DAB1: variants seen among roughly 807,000 people sequenced by gnomAD.
DAB1 encodes the protein DAB adaptor protein 1, also known as disabled homolog 1.
DAB1 carries 15 observed loss-of-function variants against 64.6 expected under a neutral mutation model. The observed-to-expected ratio is 0.23, with a 90% CI of 0.16 to 0.36. The LOEUF is 0.36. Among genes scored for constraint, DAB1 ranks in the 10% least tolerant of loss-of-function variants. DAB1 has a pLI of 1.00. For synonymous variants in DAB1, 235 were observed against 251.9 expected (o/e 0.93, Z 0.64); for missense variants, 596 against 706.7 (o/e 0.84, Z 1.78).
At chr1:57,916,385 C>T (rs555411787) in intron 5 of DAB1, among the ~76,000 whole-genome samples, 18 of 152,274 alleles carry the variant, frequency 1.2e-4, no homozygotes, top group African/African-American at 3.4e-4. Flanking sequence ...CCCAAAACTC[C>T]GATTTCTTCA....
intron 4 of DAB1, among the ~76,000 whole-genome samples, chr1:57,080,098 C>A (rs758319017): frequency 2.0e-5 from 3 of 152,134 alleles, no homozygotes; most frequent in Non-Finnish European, 2.9e-5. Flanking sequence ...ACCATTTGAA[C>A]CATTTTTAAG....
chr1:58,118,485 T>TATATAC (rs1652493341), intron 5 of DAB1, among the ~76,000 whole-genome samples: 1 of 76,690 alleles, frequency 1.3e-5, no homozygotes, highest in Non-Finnish European at 2.3e-5. Context: ...TATATATATA[T>TATATAC]ATATATATAT....
At chr1:57,098,172 A>G (rs1654346530) in intron 4 of DAB1, among the ~76,000 whole-genome samples, 1 of 152,210 alleles carries the variant, frequency 6.6e-6, no homozygotes, top group Non-Finnish European at 1.5e-5. Flanking sequence ...CATTTTGATT[A>G]TTCTTTACAA....
chr1:57,736,174 A>T (rs1647683522), intron 6 of DAB1, among the ~76,000 whole-genome samples: 1 of 152,184 alleles, frequency 6.6e-6, no homozygotes. Flanking sequence ...GATGAAAGGA[A>T]CCACATAGAA....
At chr1:58,217,734 T>C (rs1019583824) in intron 4 of DAB1, among the ~76,000 whole-genome samples, 1 of 152,186 alleles carries the variant, frequency 6.6e-6, no homozygotes, top group Admixed American at 6.5e-5. Context: ...ACTCATTCCA[T>C]CTACTTTATT....
chr1:57,488,468 G>C lies in DAB1; in HGVS notation n.625+161124C>G, dbSNP rs1644121653. Among the ~76,000 whole-genome samples, 4 of 150,624 alleles carry C rather than the reference G, an allele frequency of 2.7e-5. No homozygotes were observed. In the South Asian group the frequency reaches 8.4e-4, roughly 32 times the overall value. On this transcript the variant is annotated intron_variant and non_coding_transcript_variant, in intron 7 of 20. Coordinates refer to the DAB1 transcript ENST00000485760. ...GAGGCGGGCAGATCACCTGAGGTCA[G>C]GAGTTTGAGACCAGCCTGACCAACA...
At chr1:57,488,392 A>C (rs1644119698) in intron 7 of DAB1, among the ~76,000 whole-genome samples, 1 of 136,376 alleles carries the variant, frequency 7.3e-6, no homozygotes. Flanking sequence ...ACAGAGCCAG[A>C]TTCCGTCTCA....
chr1:58,535,177 A>G (rs186119453), intron 1 of DAB1, among the ~76,000 whole-genome samples: 1 of 152,356 alleles, frequency 6.6e-6, no homozygotes, highest in East Asian at 1.9e-4. Context: ...ATGCTGATTA[A>G]GACTAGCCAC....
chr1:57,347,886 G>C (rs1678246832), intron 1 of DAB1, among the ~76,000 whole-genome samples: 2 of 152,148 alleles, frequency 1.3e-5, no homozygotes, highest in Non-Finnish European at 2.9e-5. Context: ...CAGGTAAGAT[G>C]AGGGGGTTAC....
At chr1:57,985,724 T>C (rs768687331) in intron 5 of DAB1, among the ~76,000 whole-genome samples, 2 of 152,052 alleles carry the variant, frequency 1.3e-5, no homozygotes, top group East Asian at 3.9e-4. Flanking sequence ...AGAGTCAAAG[T>C]GTCCCGGACA....
chr1:58,409,028 A>C (rs1227029886), intron 3 of DAB1, among the ~76,000 whole-genome samples: 1 of 152,272 alleles, frequency 6.6e-6, no homozygotes, highest in African/African-American at 2.4e-5. Flanking sequence ...AGAGGTGATC[A>C]CGTGAAAAGG....
At chr1:57,146,084 G>A (rs1259295202) in intron 2 of DAB1, among the ~76,000 whole-genome samples, 1 of 152,176 alleles carries the variant, frequency 6.6e-6, no homozygotes, top group Non-Finnish European at 1.5e-5. Context: ...ATTTTGCTAA[G>A]ACACATCAAC....
At chr1:57,951,806 C>T (rs1405072386) in intron 5 of DAB1, among the ~76,000 whole-genome samples, 1 of 152,084 alleles carries the variant, frequency 6.6e-6, no homozygotes, top group Non-Finnish European at 1.5e-5. Flanking sequence ...GAACCAACTC[C>T]CCATATATTC....
At position 57,006,585 on chromosome 1, in the gene DAB1, A is replaced by G. The variant is rs558306290; in HGVS notation, c.*15+4095T>C. Among the ~76,000 whole-genome samples, 6 of 152,206 alleles carry G rather than the reference A, an allele frequency of 3.9e-5. No individual in the cohort carries two copies. The East Asian group carries it at 7.8e-4, about 20-fold the overall frequency. On this transcript the variant is annotated intron_variant, in intron 14 of 14. Transcript: ENST00000371236. The stretch of plus-strand genomic sequence containing the variant: ...ATCTTCTGCCTGATCCAGTGCCATC[A>G]CTTTCTAGCTACAGGACCTCGACAG...
chr1:57,293,910 C>T (rs926160954), intron 1 of DAB1, among the ~76,000 whole-genome samples: 11 of 152,146 alleles, frequency 7.2e-5, no homozygotes, highest in African/African-American at 2.4e-4. Flanking sequence ...TCAAGTGTTA[C>T]AAGCATTACT....
At chr1:57,950,540 A>G (rs1444199314) in intron 5 of DAB1, among the ~76,000 whole-genome samples, 1 of 152,170 alleles carries the variant, frequency 6.6e-6, no homozygotes, top group Non-Finnish European at 1.5e-5. Flanking sequence ...AAAATCCTTT[A>G]TTCCTCTCTA....
intron 4 of DAB1, among the ~76,000 whole-genome samples, chr1:58,249,068 G>A (rs745504966): frequency 7.2e-5 from 11 of 152,018 alleles, no homozygotes; most frequent in Non-Finnish European, 1.0e-4. Context: ...GGAAAGGAGG[G>A]GGCTTGGAAA....
Position 58,130,458 on chromosome 1 carries a change from A to G in DAB1, n.387+20053T>C, listed in dbSNP as rs1236017275. 5.9e-5 allele frequency among the ~76,000 whole-genome samples: 9 copies of G among 152,156 alleles called. No individual in the cohort carries two copies. In the East Asian group the frequency reaches 1.7e-3, roughly 29 times the overall value. On this transcript the variant is annotated intron_variant and non_coding_transcript_variant, in intron 5 of 20. Coordinates refer to the DAB1 transcript ENST00000485760. ...AATTGGAGAATTTAGTCCATTTACA[A>G]TTAAAATTAATATTGTTATATGTGA...
intron 7 of DAB1, among the ~76,000 whole-genome samples, chr1:57,613,617 C>T (rs1645754434): frequency 1.3e-5 from 2 of 152,128 alleles, no homozygotes; most frequent in Admixed American, 1.3e-4. Context: ...AGGATATTTT[C>T]CCCCTCAAAA....
Sources: allele counts gnomAD v4.1 joint callset (sites outside exome capture counted in the v4.1 genomes callset), GRCh38; gene constraint gnomAD v4.1.1; transcripts MANE v1.5; gene names NCBI Gene and HGNC (gene_info 2026-07-23, HGNC 2026-07-21).